The following GABRA2 variants were observed in gnomAD, a reference collection of about 807,000 sequenced individuals.
GABRA2 encodes the protein gamma-aminobutyric acid receptor subunit alpha-2.
GABRA2 carries 16 observed loss-of-function variants against 48.7 expected under a neutral mutation model. The observed-to-expected ratio is 0.33, with a 90% CI of 0.22 to 0.50. GABRA2 has a LOEUF of 0.50. Among genes scored for constraint, GABRA2 ranks in the 20% least tolerant of loss-of-function variants. GABRA2 has a pLI of 0.98. For synonymous variants in GABRA2, 185 were observed against 184.5 expected, an observed-to-expected ratio of 1.00 and a Z score of -0.02; for missense variants, 275 against 535.6, an observed-to-expected ratio of 0.51 and a Z score of 4.80.
intron 9 of GABRA2, among the ~76,000 whole-genome samples, chr4:46,257,546 G>A (rs1716084384): frequency 6.6e-6 from 1 of 151,578 alleles, no homozygotes; most frequent in African/African-American, 2.4e-5. Context: ...CCAGTCACAT[G>A]GAAGCAAAAA....
chr4:46,326,952 A>G (rs751300540), intron 4 of GABRA2, among the ~76,000 whole-genome samples: 74 of 151,886 alleles, frequency 4.9e-4, no homozygotes, highest in South Asian at 2.1e-4. Context: ...GTCATTCTAT[A>G]CTTCTTCTTC....
In GABRA2 at chr4:46,365,263, T is replaced by C. The variant is rs561632237; in HGVS notation, c.187+20811A>G. 24 of 152,256 alleles carry C rather than the reference T, an allele frequency of 1.6e-4. No individual in the cohort carries two copies. In the East Asian group the frequency reaches 3.9e-3, roughly 25 times the overall value. 9.4% of individuals were successfully genotyped at this position (152,256 alleles called of 1,614,324 possible). ...CCAACTATTCCTTCTCATTTAATTCTAGTGTATGACAAGAAATACCATGAA... is the reference window on the plus strand; with the variant it reads ...CCAACTATTCCTTCTCATTTAATTCCAGTGTATGACAAGAAATACCATGAA... On this transcript the variant is annotated intron_variant, in intron 3 of 9. Transcript: ENST00000381620.
chr4:46,312,446 A>T (rs745812088), intron 5 of GABRA2, 50 bp downstream of exon 5: 14 of 1,269,730 alleles, frequency 1.1e-5, no homozygotes, highest in African/African-American at 1.5e-5. Flanking sequence ...TGTTTAATAC[A>T]TGAAAATTTC....
chr4:46,267,526 T>G (rs921718127), intron 8 of GABRA2, among the ~76,000 whole-genome samples: 1 of 152,048 alleles, frequency 6.6e-6, no homozygotes. Context: ...TTTGGATGTC[T>G]CATATTCTTT....
chr4:46,314,767 C>T (rs1302453971), intron 4 of GABRA2, among the ~76,000 whole-genome samples: 2 of 152,072 alleles, frequency 1.3e-5, no homozygotes, highest in African/African-American at 2.4e-5. Context: ...CGTTGATTTG[C>T]TTAGGATAAT....
At chr4:46,271,894 T>G (rs1000157098) in intron 8 of GABRA2, among the ~76,000 whole-genome samples, 7 of 151,934 alleles carry the variant, frequency 4.6e-5, no homozygotes, top group African/African-American at 1.7e-4. Context: ...ATATAAAAAT[T>G]TTGTCAGTCT....
intron 4 of GABRA2, among the ~76,000 whole-genome samples, chr4:46,330,421 A>T (rs1186178271): frequency 6.6e-6 from 1 of 151,960 alleles, no homozygotes; most frequent in African/African-American, 2.4e-5. Context: ...TAGAGAATTA[A>T]TCTAATCTAT....
chr4:46,290,901 C>T (rs142044804), intron 8 of GABRA2, among the ~76,000 whole-genome samples: 2 of 151,984 alleles, frequency 1.3e-5, no homozygotes, highest in African/African-American at 4.8e-5. Flanking sequence ...TATTGATTGC[C>T]TTTCTTATGT....
intron 3 of GABRA2, among the ~76,000 whole-genome samples, chr4:46,353,778 G>C (rs189150733): frequency 6.6e-6 from 1 of 151,936 alleles, no homozygotes; most frequent in Non-Finnish European, 1.5e-5. Context: ...TGTTCATCTT[G>C]CTTCCAATTC....
At chr4:46,292,088 G>A (rs1042382589) in intron 8 of GABRA2, among the ~76,000 whole-genome samples, 3 of 152,096 alleles carry the variant, frequency 2.0e-5, no homozygotes, top group Non-Finnish European at 2.9e-5. Flanking sequence ...TGGCTAGAGA[G>A]AGGCAAGGAC....
At chr4:46,302,082 T>G (rs1202052785) in intron 8 of GABRA2, among the ~76,000 whole-genome samples, 3 of 152,016 alleles carry the variant, frequency 2.0e-5, no homozygotes, top group Admixed American at 2.0e-4. Context: ...TTCTTTTTTT[T>G]TTTTGAGACA....
In GABRA2 at chr4:46,261,973, T is replaced by C. The variant is rs1425630517; in HGVS notation, c.1012A>G (p.Thr338Ala). 1 of 1,613,754 alleles carries C rather than the reference T, an allele frequency of 6.2e-7. No individual in the cohort carries two copies. The highest frequency in any genetic ancestry group is 1.3e-5 in the African/African-American group (1 of 74,906). The change falls in exon 9 of 10, where the codon ACC becomes GCC. Residue 338 changes from threonine (T) to alanine (A), a missense_variant. Physicochemically the swap from Thr to Ala is moderately conservative, Grantham distance 58. Transcript: ENST00000381620. ...CCATCCCAAGCCCATCCTCTTTTGG[T>C]GAAGTAATTAACAGTTGCAAATTCA... ...LIEFATVNYF[T>A]KRGWAWDGKS...
intron 3 of GABRA2, among the ~76,000 whole-genome samples, chr4:46,385,634 G>A (rs934801448): frequency 6.6e-5 from 10 of 151,916 alleles, no homozygotes; most frequent in African/African-American, 2.2e-4. Context: ...GCTAAAAAGT[G>A]TATTCGTTAA....
chr4:46,322,999 AAT>A (rs1334185715), intron 4 of GABRA2, among the ~76,000 whole-genome samples: 1 of 151,642 alleles, frequency 6.6e-6, no homozygotes, highest in Admixed American at 6.6e-5. Context: ...TATTTTATAA[AAT>A]AGTTATATTT....
chr4:46,333,961 T>C (rs1731785301), intron 3 of GABRA2, among the ~76,000 whole-genome samples: 1 of 152,168 alleles, frequency 6.6e-6, no homozygotes, highest in African/African-American at 2.4e-5. Flanking sequence ...TGCATGTTTC[T>C]ATTCACCAGA....
chr4:46,313,511 T>C (rs1281726047), intron 4 of GABRA2, among the ~76,000 whole-genome samples: 2 of 152,050 alleles, frequency 1.3e-5, no homozygotes, highest in African/African-American at 4.8e-5. Context: ...ACAGACCCGC[T>C]AGTGATCATG....
At chr4:46,296,320 G>C (rs1195431805) in intron 8 of GABRA2, among the ~76,000 whole-genome samples, 1 of 152,130 alleles carries the variant, frequency 6.6e-6, no homozygotes, top group Non-Finnish European at 1.5e-5. Context: ...CTTAGTTCCA[G>C]AGGGAGGAAT....
At chr4:46,250,630 G>C in intron 9 of GABRA2, 26 bp from the exon 10 acceptor site, 1 of 1,546,048 alleles carries the variant, frequency 6.5e-7, no homozygotes, top group Non-Finnish European at 8.8e-7. Context: ...AAAATTAACA[G>C]AGTGTGGGTT....
rs1718918081 is a variant in GABRA2, at chr4:46,269,709, C to T, written c.857-7581G>A. Among the ~76,000 whole-genome samples, 3 of 151,492 alleles carry T rather than the reference C, an allele frequency of 2.0e-5. No individual in the cohort carries two copies. The South Asian group carries it at 6.2e-4, about 31-fold the overall frequency. ...AAAATTAAAACGGACTTGTGGCTGA[C>T]TTTTTTTTGTTTCACATTTTTTTAC... On this transcript the variant is annotated intron_variant, in intron 8 of 9. Coordinates refer to ENST00000381620, the MANE Select transcript of GABRA2 (RefSeq NM_000807.4).
Sources: gnomAD v4.1 joint callset for allele counts (sites outside exome capture counted in the v4.1 genomes callset) on GRCh38, gnomAD v4.1.1 for gene constraint, MANE v1.5 for transcripts, NCBI Gene and HGNC (gene_info 2026-07-23, HGNC 2026-07-21) for gene names.